DOCK2: variants seen among roughly 807,000 people sequenced by gnomAD.
The protein encoded by DOCK2 is dedicator of cytokinesis 2.
Under a neutral mutation model 248.9 loss-of-function variants are expected in DOCK2, and 87 were observed. That is an observed-to-expected ratio of 0.35 (90% confidence interval 0.29 to 0.42). DOCK2 has a LOEUF of 0.42. Among genes scored for constraint, DOCK2 ranks in the 10% least tolerant of loss-of-function variants. The pLI, the probability that DOCK2 is intolerant of heterozygous loss-of-function variation, is 1.00. For missense variants in DOCK2, 1,747 were observed against 2,300.2 expected (o/e 0.76, Z 4.92); for synonymous variants, 805 against 821.6 (o/e 0.98, Z 0.35).
At chr5:170,052,327 G>A (rs558681198) in intron 41 of DOCK2, among the ~76,000 whole-genome samples, 11 of 152,270 alleles carry the variant, frequency 7.2e-5, no homozygotes, top group South Asian at 6.2e-4. Flanking sequence ...GCGAGACATA[G>A]GATTAGTTCT....
At chr5:169,690,272 T>C (rs1230112872) in intron 9 of DOCK2, among the ~76,000 whole-genome samples, 1 of 152,134 alleles carries the variant, frequency 6.6e-6, no homozygotes. Flanking sequence ...GAGAACACTG[T>C]TTATGAGATT....
chr5:169,769,293 A>C (rs1376285339), intron 25 of DOCK2, among the ~76,000 whole-genome samples: 2 of 152,196 alleles, frequency 1.3e-5, no homozygotes, highest in Non-Finnish European at 2.9e-5. Context: ...CAGTTTATCT[A>C]AAATGACTCC....
chr5:169,805,452 G>GT lies in DOCK2; in HGVS notation c.2703+2252dup, dbSNP rs1161783615. ...TTCTGTTGAAAAGCCAATCCACAGT[G>GT]TTTTTTACATTTTAGTAATGCTCAG... On this transcript the variant is annotated intron_variant, in intron 26 of 51. Transcript: ENST00000520908. Among the ~76,000 whole-genome samples the GT allele has an allele frequency of 2.0e-5, 3 of 152,100 alleles. No individual in the cohort carries two copies. In the East Asian group the frequency reaches 5.8e-4, roughly 29 times the overall value.
chr5:169,893,868 C>T (rs745640641), intron 27 of DOCK2, among the ~76,000 whole-genome samples: 1 of 152,170 alleles, frequency 6.6e-6, no homozygotes, highest in Non-Finnish European at 1.5e-5. Flanking sequence ...GCAGGAAAAT[C>T]GTTTTCCATC....
At chr5:170,060,757 C>T (rs541692940) in intron 44 of DOCK2, among the ~76,000 whole-genome samples, 2 of 152,126 alleles carry the variant, frequency 1.3e-5, no homozygotes, top group South Asian at 2.1e-4. Flanking sequence ...CTGGGGTGGG[C>T]GTGGTGGCTC....
chr5:169,944,665 C>A (rs1444010409), intron 27 of DOCK2, among the ~76,000 whole-genome samples: 4 of 152,210 alleles, frequency 2.6e-5, no homozygotes, highest in Non-Finnish European at 5.9e-5. Flanking sequence ...TGATTGGGAG[C>A]AAACAGGTTA....
chr5:169,834,733 C>A (rs983386470), intron 26 of DOCK2, among the ~76,000 whole-genome samples: 1 of 152,220 alleles, frequency 6.6e-6, no homozygotes, highest in Non-Finnish European at 1.5e-5. Flanking sequence ...AGCTCACAGA[C>A]CACAAGCCCT....
At chr5:169,861,842 C>T (rs575345481) in intron 27 of DOCK2, among the ~76,000 whole-genome samples, 21 of 152,242 alleles carry the variant, frequency 1.4e-4, no homozygotes, top group East Asian at 3.9e-4. Context: ...CCAAGCAATG[C>T]GGTGTTGTGC....
intron 43 of DOCK2, 64 bp downstream of exon 43, chr5:170,056,832 G>A (rs1429643941): frequency 1.6e-5 from 23 of 1,461,890 alleles, no homozygotes; most frequent in Admixed American, 7.2e-5. Context: ...AGCATGCATC[G>A]GCCAGCCTCA....
Position 170,083,088 on chromosome 5 carries a change from G to A in DOCK2, c.*230G>A, listed in dbSNP as rs1260027777. The A allele has an allele frequency of 1.8e-6, 1 of 545,404 alleles. No homozygotes were observed. The highest frequency in any genetic ancestry group is 1.9e-5 in the African/African-American group (1 of 52,860). 33.8% of individuals were successfully genotyped at this position (545,404 alleles called of 1,614,324 possible). A position where few individuals can be genotyped will look rare whatever the true frequency, so the allele number is the denominator to read the frequency against. On this transcript the variant is annotated 3_prime_UTR_variant, in exon 52 of 52. Coordinates refer to ENST00000520908, the MANE Select transcript of DOCK2 (RefSeq NM_004946.3). Reference sequence around the variant, plus strand: ...TGAGGAAGCCTCAACGTAGATTCCTGAACTCAAGGTACCAGCAAGAATGCC... The same window carrying A: ...TGAGGAAGCCTCAACGTAGATTCCTAAACTCAAGGTACCAGCAAGAATGCC...
intron 27 of DOCK2, among the ~76,000 whole-genome samples, chr5:169,846,855 C>T (rs949082978): frequency 6.6e-6 from 1 of 151,844 alleles, no homozygotes; most frequent in Non-Finnish European, 1.5e-5. Context: ...CCCCCTTCCA[C>T]CCTCCCCCTT....
intron 23 of DOCK2, among the ~76,000 whole-genome samples, chr5:169,751,156 C>T (rs1257477344): frequency 2.0e-5 from 3 of 152,132 alleles, no homozygotes; most frequent in Non-Finnish European, 2.9e-5. Flanking sequence ...TCATTTATAC[C>T]TCTTCCTCCT....
intron 30 of DOCK2, among the ~76,000 whole-genome samples, chr5:170,003,502 C>T (rs1754913113): frequency 6.6e-6 from 1 of 152,224 alleles, no homozygotes; most frequent in East Asian, 1.9e-4. Flanking sequence ...ATCAGGCAGA[C>T]CCAATATGCC....
chr5:169,923,333 A>C (rs1775275643), intron 27 of DOCK2, among the ~76,000 whole-genome samples: 1 of 152,164 alleles, frequency 6.6e-6, no homozygotes, highest in Non-Finnish European at 1.5e-5. Context: ...AATTTCCTAC[A>C]ATATTTATGT....
At chr5:170,034,615 CT>C in intron 35 of DOCK2, 60 bp downstream of exon 35, 1 of 1,594,492 alleles carries the variant, frequency 6.3e-7, no homozygotes, top group Non-Finnish European at 8.6e-7. Context: ...TTGGGCTTGG[CT>C]TTGGGTCTCA....
intron 26 of DOCK2, among the ~76,000 whole-genome samples, chr5:169,818,985 G>T (rs181237149): frequency 3.8e-4 from 57 of 151,918 alleles, no homozygotes; most frequent in African/African-American, 1.4e-3. Flanking sequence ...TTCATCAAAG[G>T]GTACGTAAAA....
intron 27 of DOCK2, among the ~76,000 whole-genome samples, chr5:169,879,526 G>T (rs531355505): frequency 4.9e-4 from 75 of 152,182 alleles, no homozygotes; most frequent in Non-Finnish European, 8.8e-4. Context: ...GGTAATGAGG[G>T]ATATATGCAT....
intron 44 of DOCK2, among the ~76,000 whole-genome samples, chr5:170,061,023 C>G (rs1005835234): frequency 8.6e-5 from 13 of 151,810 alleles, no homozygotes; most frequent in African/African-American, 3.2e-4. Context: ...GAGCAAGACT[C>G]CATCTAAAAA....
chr5:169,757,167 G>T (rs1018007255), intron 23 of DOCK2, among the ~76,000 whole-genome samples: 12 of 152,134 alleles, frequency 7.9e-5, no homozygotes, highest in Admixed American at 4.6e-4. Context: ...ACTTCCCACT[G>T]CCCTGTCCTC....
Sources: gnomAD v4.1 joint callset for allele counts (sites outside exome capture counted in the v4.1 genomes callset) on GRCh38, gnomAD v4.1.1 for gene constraint, MANE v1.5 for transcripts, NCBI Gene and HGNC (gene_info 2026-07-23, HGNC 2026-07-21) for gene names.